Variants in LRRC4C observed in about 807,000 individuals in gnomAD.
LRRC4C encodes the protein leucine rich repeat containing 4C, also known as leucine-rich repeat-containing protein 4C.
LRRC4C carries 5 observed loss-of-function variants against 33.6 expected under a neutral mutation model. The ratio of observed to expected loss-of-function variants is 0.15; its 90% CI spans 0.08 to 0.31. The LOEUF (loss-of-function observed/expected upper bound fraction) is 0.31. Ranked by LOEUF, LRRC4C falls within the 10% of genes least tolerant of loss-of-function variation. LRRC4C has a pLI of 1.00. For synonymous variants in LRRC4C, 329 were observed against 302.0 expected, an observed-to-expected ratio of 1.09 and a Z score of -0.93; for missense variants, 560 against 796.7, an observed-to-expected ratio of 0.70 and a Z score of 3.58.
At chr11:40,211,338 G>GC (rs1305116447) in intron 5 of LRRC4C, among the ~76,000 whole-genome samples, 12 of 152,280 alleles carry the variant, frequency 7.9e-5, no homozygotes, top group African/African-American at 2.6e-4. Context: ...TTCTCTGTTA[G>GC]ATATGTGCTT....
At chr11:40,580,065 G>A (rs1958399381) in intron 3 of LRRC4C, among the ~76,000 whole-genome samples, 1 of 151,042 alleles carries the variant, frequency 6.6e-6, no homozygotes, top group Non-Finnish European at 1.5e-5. Context: ...TCAGGTGTGT[G>A]TGTGTGTGTG....
chr11:41,185,252 A>G (rs1945642232), intron 1 of LRRC4C, among the ~76,000 whole-genome samples: 1 of 152,222 alleles, frequency 6.6e-6, no homozygotes, highest in South Asian at 2.1e-4. Context: ...GTGAGAGTCT[A>G]TTCCCAAAAG....
intron 3 of LRRC4C, among the ~76,000 whole-genome samples, chr11:40,392,471 A>G (rs2137461310): frequency 6.6e-6 from 1 of 152,220 alleles, no homozygotes; most frequent in South Asian, 2.1e-4. Flanking sequence ...TTTTCTGTAA[A>G]CTTAAAATTG....
intron 1 of LRRC4C, among the ~76,000 whole-genome samples, chr11:41,358,411 T>G (rs1257913879): frequency 6.6e-6 from 1 of 152,124 alleles, no homozygotes; most frequent in African/African-American, 2.4e-5. Flanking sequence ...TAGACTTCAT[T>G]AAAATTAAAA....
At chr11:40,309,008 T>C (rs185390908) in intron 4 of LRRC4C, among the ~76,000 whole-genome samples, 3 of 152,292 alleles carry the variant, frequency 2.0e-5, no homozygotes, top group African/African-American at 7.2e-5. Context: ...TCTTTACAGC[T>C]CACTTCCACT....
chr11:40,692,482 A>G (rs186142765), intron 2 of LRRC4C, among the ~76,000 whole-genome samples: 190 of 152,232 alleles, frequency 1.2e-3, no homozygotes, highest in Non-Finnish European at 2.2e-3. Flanking sequence ...CAAAGAACTT[A>G]AAATATGAAT....
intron 3 of LRRC4C, among the ~76,000 whole-genome samples, chr11:40,333,404 TTG>T (rs1946446481): frequency 6.6e-6 from 1 of 152,072 alleles, no homozygotes; most frequent in South Asian, 2.1e-4. Flanking sequence ...GAGTGAAAAA[TTG>T]TAGTTGTCAT....
intron 2 of LRRC4C, among the ~76,000 whole-genome samples, chr11:40,896,985 A>G (rs1017807637): frequency 6.6e-6 from 1 of 152,182 alleles, no homozygotes; most frequent in Admixed American, 6.5e-5. Flanking sequence ...AGAAAGATAA[A>G]CCTTAATTAA....
intron 1 of LRRC4C, among the ~76,000 whole-genome samples, chr11:41,332,610 A>C (rs1302381757): frequency 6.6e-6 from 1 of 152,202 alleles, no homozygotes; most frequent in Non-Finnish European, 1.5e-5. Flanking sequence ...CACACACACA[A>C]AAAGACTGTA....
chr11:40,338,126 A>C (rs1242156509), intron 3 of LRRC4C, among the ~76,000 whole-genome samples: 1 of 152,202 alleles, frequency 6.6e-6, no homozygotes, highest in Non-Finnish European at 1.5e-5. Flanking sequence ...ATTTCCTTTT[A>C]CATGGAACTA....
chr11:41,049,698 A>C (rs949860061), intron 1 of LRRC4C, among the ~76,000 whole-genome samples: 2 of 152,188 alleles, frequency 1.3e-5, no homozygotes, highest in African/African-American at 4.8e-5. Flanking sequence ...CTTCTGTGTT[A>C]TTTACTAATA....
chr11:40,297,780 C>G (rs148505577), intron 4 of LRRC4C, among the ~76,000 whole-genome samples: 2 of 152,184 alleles, frequency 1.3e-5, no homozygotes, highest in East Asian at 3.9e-4. Context: ...GTAATCCTTC[C>G]AACAATCTTA....
intron 4 of LRRC4C, among the ~76,000 whole-genome samples, chr11:40,286,340 G>A (rs115991588): frequency 5.3e-4 from 80 of 152,090 alleles, no homozygotes; most frequent in African/African-American, 1.9e-3. Context: ...AGATAAGAAG[G>A]GACTACTAGA....
chr11:40,345,039 AG>A (rs1302187070), intron 3 of LRRC4C, among the ~76,000 whole-genome samples: 1 of 152,138 alleles, frequency 6.6e-6, no homozygotes, highest in Admixed American at 6.5e-5. Flanking sequence ...ACATGCTCAT[AG>A]GAAGAAGAAT....
intron 2 of LRRC4C, among the ~76,000 whole-genome samples, chr11:40,759,995 G>A (rs1474712104): frequency 3.3e-5 from 5 of 150,676 alleles, no homozygotes; most frequent in South Asian, 2.1e-4. Flanking sequence ...GGAGTAATTC[G>A]GTTTTGACCA....
At chr11:40,410,883 C>T (rs1308745090) in intron 3 of LRRC4C, among the ~76,000 whole-genome samples, 1 of 152,126 alleles carries the variant, frequency 6.6e-6, no homozygotes, top group Non-Finnish European at 1.5e-5. Flanking sequence ...GCAGTCACAT[C>T]TAACCATTGA....
intron 3 of LRRC4C, among the ~76,000 whole-genome samples, chr11:40,388,078 T>C (rs1048674523): frequency 5.6e-4 from 86 of 152,252 alleles, no homozygotes; most frequent in African/African-American, 1.6e-3. Context: ...TAGTAAAATA[T>C]GTATTGAGAA....
chr11:40,853,880 G>T (rs2135767458), intron 2 of LRRC4C, among the ~76,000 whole-genome samples: 1 of 152,240 alleles, frequency 6.6e-6, no homozygotes, highest in African/African-American at 2.4e-5. Context: ...AAAAAGACAG[G>T]TGGTAGAAGG....
intron 4 of LRRC4C, among the ~76,000 whole-genome samples, chr11:40,271,646 C>T (rs1942708190): frequency 6.6e-6 from 1 of 152,152 alleles, no homozygotes; most frequent in Non-Finnish European, 1.5e-5. Context: ...TATTTCTGCT[C>T]ACTCCTGAAC....
Sources: allele counts gnomAD v4.1 joint callset (sites outside exome capture counted in the v4.1 genomes callset), GRCh38; gene constraint gnomAD v4.1.1; transcripts MANE v1.5; gene names NCBI Gene and HGNC (gene_info 2026-07-23, HGNC 2026-07-21).